NANS: variants seen among roughly 807,000 people sequenced by gnomAD.
NANS encodes N-acetylneuraminate synthase.
A neutral mutation model predicts 33.3 loss-of-function variants in NANS; 29 were observed. The ratio of observed to expected loss-of-function variants is 0.87; its 90% CI spans 0.65 to 1.19. The LOEUF (loss-of-function observed/expected upper bound fraction) is 1.19, where lower values mean the gene tolerates loss of function less well. NANS is among the 50% of genes most tolerant of loss of function. NANS has a pLI of 0.00. For missense variants in NANS, 394 were observed against 461.1 expected (o/e 0.85, Z 1.33); for synonymous variants, 163 against 177.2 (o/e 0.92, Z 0.64).
chr9:98,078,788 T>A (rs1376115760), intron 4 of NANS, among the ~76,000 whole-genome samples: 1 of 148,304 alleles, frequency 6.7e-6, no homozygotes, highest in East Asian at 2.0e-4. Context: ...TGAGCCGAGA[T>A]TGCACCACTG....
At chr9:98,082,059 C>G (rs1164737590) in intron 5 of NANS, 3 of 152,112 alleles carry the variant, frequency 2.0e-5, no homozygotes, top group Non-Finnish European at 4.4e-5. Flanking sequence ...ATTCCTTGTA[C>G]TCTTACGTGG....
chr9:98,077,144 A>G, intron 3 of NANS, 127 bp downstream of exon 3: 1 of 707,738 alleles, frequency 1.4e-6, no homozygotes, highest in Non-Finnish European at 2.3e-6. Context: ...ATTTTTTTAA[A>G]TAGAGATAGG....
intron 1 of NANS, among the ~76,000 whole-genome samples, chr9:98,058,308 T>C (rs1270458717): frequency 6.6e-6 from 1 of 152,186 alleles, no homozygotes; most frequent in African/African-American, 2.4e-5. Flanking sequence ...ATTTTTTGAG[T>C]GCTTACTCTA....
rs1828953597 is a variant in NANS, at chr9:98,060,870, A to C, written c.221A>C (p.Lys74Thr). 6.2e-7 allele frequency: 1 copy of C among 1,614,092 alleles called. No homozygotes were observed. The highest frequency in any genetic ancestry group is 1.3e-5 in the African/African-American group (1 of 74,940). ...GCCTTGGAGAGGCCATACACCTCGA[A>C]GCATTCCTGGGGGAAGACGTACGGG... Reference protein sequence around the residue: ...RKALERPYTSKHSWGKTYGEH... With the variant: ...RKALERPYTSTHSWGKTYGEH... The change falls in exon 2 of 6, where the codon AAG (lysine) becomes ACG (threonine). Residue 74 changes from lysine to threonine, a missense_variant. By Grantham distance (78) the Lys-to-Thr change is moderately conservative. Transcript: ENST00000210444.
intron 1 of NANS, 26 bp from the exon 2 acceptor site, chr9:98,060,756 G>A: frequency 6.2e-7 from 1 of 1,608,920 alleles, no homozygotes; most frequent in Non-Finnish European, 8.5e-7. Flanking sequence ...GACAGTCACT[G>A]AAAGATGTCC....
chr9:98,068,532 G>A (rs763931226), intron 2 of NANS, among the ~76,000 whole-genome samples: 7 of 151,762 alleles, frequency 4.6e-5, no homozygotes, highest in Non-Finnish European at 7.4e-5. Context: ...AAAAGTGGTT[G>A]GCTGGATGCA....
chr9:98,076,872 GT>G, intron 2 of NANS, 45 bp from the exon 3 acceptor site: 4 of 1,493,938 alleles, frequency 2.7e-6, no homozygotes, highest in East Asian at 2.3e-5. Context: ...TAACAACAGT[GT>G]TTTTGGACAA....
Position 98,083,010 on chromosome 9 carries a change from C to A in NANS, c.1035C>A (p.Ile345=), listed in dbSNP as rs1453726841. ...TCACTGTTGAAGAGGATGACACCAT[C>A]ATGGAAGAATTGGTAGATAATCATG... ...VLVTVEEDDT[I]MEELVDNHGK... The change falls in exon 6 of 6, where the codon ATC becomes ATA. Residue 345 remains isoleucine, a synonymous_variant. Coordinates refer to ENST00000210444, the MANE Select transcript of NANS (RefSeq NM_018946.4). The A allele has an allele frequency of 1.9e-6, 3 of 1,614,152 alleles. No homozygotes were observed. Among genetic ancestry groups the A allele is most frequent in the Admixed American group, 1.7e-5 (1 of 60,002 alleles).
chr9:98,059,550 G>A (rs1423128719), intron 1 of NANS, among the ~76,000 whole-genome samples: 2 of 152,128 alleles, frequency 1.3e-5, no homozygotes, highest in Non-Finnish European at 2.9e-5. Context: ...GAGTAGCTGG[G>A]ACTACAAGCG....
In NANS at chr9:98,083,036, G is replaced by T. The variant is rs1829959052; in HGVS notation, c.1061G>T (p.Gly354Val). 1.9e-6 allele frequency: 3 copies of T among 1,613,830 alleles called. No homozygotes were observed. Among genetic ancestry groups the T allele is most frequent in the Non-Finnish European group, 1.7e-6 (2 of 1,179,920 alleles). Residue 354 changes from glycine to valine, a missense_variant, in exon 6 of 6, where the codon GGC becomes GTC. Coordinates refer to ENST00000210444, the MANE Select transcript of NANS (RefSeq NM_018946.4). ...ATGGAAGAATTGGTAGATAATCATG[G>T]CAAAAAAATCAAGTCTTAAAAATAA... is the stretch of plus-strand genomic sequence containing the variant. ...TIMEELVDNH[G>V]KKIKS
At chr9:98,062,777 G>GTTTTTT (rs765558300) in intron 2 of NANS, among the ~76,000 whole-genome samples, 1 of 109,314 alleles carries the variant, frequency 9.1e-6, no homozygotes. Flanking sequence ...AGTTATTTCA[G>GTTTTTT]TTTTTTTTTT....
intron 2 of NANS, chr9:98,069,583 A>T (rs1829251502): frequency 6.6e-6 from 1 of 152,346 alleles, no homozygotes; most frequent in Non-Finnish European, 1.5e-5. Flanking sequence ...GGAATGAACT[A>T]TTGATGCGTG....
rs534437844 is a variant in NANS at position 98,077,993 on chromosome 9, C to T, written c.449-200C>T. Reference sequence around the variant, plus strand: ...TTTGCTCAAGAACACTGTCGGGGGGCAGAGGGGAGCCCACCTTTCCTGTGG... The same window carrying T: ...TTTGCTCAAGAACACTGTCGGGGGGTAGAGGGGAGCCCACCTTTCCTGTGG... On this transcript the variant is annotated intron_variant, in intron 3 of 5. Transcript: ENST00000210444. 7.7e-6 allele frequency: 5 copies of T among 647,066 alleles called. No homozygotes were observed. In the African/African-American group the frequency reaches 9.1e-5, roughly 12 times the overall value. 40.1% of individuals were successfully genotyped at this position (647,066 alleles called of 1,614,324 possible).
intron 2 of NANS, chr9:98,074,638 C>G (rs1231490992): frequency 6.6e-6 from 1 of 152,154 alleles, no homozygotes; most frequent in Non-Finnish European, 1.5e-5. Flanking sequence ...TGGCCTTTTT[C>G]TTTACTTGAA....
At chr9:98,082,745 A>T in intron 5 of NANS, 101 bp from the exon 6 acceptor site, 1 of 1,104,738 alleles carries the variant, frequency 9.1e-7, no homozygotes, top group South Asian at 1.5e-5. Flanking sequence ...CTCCCAAGGT[A>T]CTGCCTGGGG....
At chr9:98,057,782 A>G (rs1231597778) in intron 1 of NANS, among the ~76,000 whole-genome samples, 5 of 151,934 alleles carry the variant, frequency 3.3e-5, no homozygotes. Flanking sequence ...TCCCTTCATC[A>G]ATGCTACTCA....
Position 98,080,845 on chromosome 9 carries a change from C to T in NANS, c.633C>T (p.Pro211=). The change falls in exon 5 of 6, where the codon CCC becomes CCT. Residue 211 remains proline, a synonymous_variant. Coordinates refer to ENST00000210444, the MANE Select transcript of NANS (RefSeq NM_018946.4). ...ATCAGAAGCTCTTTCCTGACATTCC[C>T]ATAGGGTATTCTGGGCATGAAACAG... is the stretch of plus-strand genomic sequence containing the variant. ...SEYQKLFPDI[P]IGYSGHETGI... 6.2e-7 allele frequency: 1 copy of T among 1,603,892 alleles called. No homozygotes were observed. The highest frequency in any genetic ancestry group is 1.1e-5 in the South Asian group (1 of 90,514).
In NANS at chr9:98,056,741, A is replaced by G; in HGVS notation, c.-68A>G. The G allele has an allele frequency of 6.4e-7, 1 of 1,563,634 alleles. No individual in the cohort carries two copies. On this transcript the variant is annotated 5_prime_UTR_variant, in exon 1 of 6. Transcript: ENST00000210444. ...TCTCGCAGCGTTGCTCACAGAACAG[A>G]GTAGAGGCGGCGGCGGCGGCGGCCG...
intron 2 of NANS, among the ~76,000 whole-genome samples, chr9:98,070,926 C>T (rs1829312752): frequency 6.6e-6 from 1 of 151,918 alleles, no homozygotes; most frequent in Non-Finnish European, 1.5e-5. Flanking sequence ...ATCCTCCCAC[C>T]TCAGCCTTCT....
Sources: gnomAD v4.1 joint callset for allele counts (sites outside exome capture counted in the v4.1 genomes callset) on GRCh38, gnomAD v4.1.1 for gene constraint, MANE v1.5 for transcripts, NCBI Gene and HGNC (gene_info 2026-07-23, HGNC 2026-07-21) for gene names.